TGM2: variants seen among roughly 807,000 people sequenced by gnomAD.
TGM2 encodes protein-glutamine gamma-glutamyltransferase 2.
In TGM2, 53 loss-of-function variants were observed where a neutral mutation model predicts 75.6. The observed-to-expected ratio is 0.70, with a 90% CI of 0.56 to 0.88. TGM2 has a LOEUF of 0.88. Among genes scored for constraint, TGM2 ranks in the 40% least tolerant of loss-of-function variants. The pLI, the probability that TGM2 is intolerant of heterozygous loss-of-function variation, is 0.00. For synonymous variants in TGM2, 374 were observed against 381.1 expected (o/e 0.98, Z 0.22); for missense variants, 842 against 928.5 (o/e 0.91, Z 1.21).
intron 8 of TGM2, 31 bp downstream of exon 8, chr20:38,141,251 C>T: frequency 2.0e-6 from 3 of 1,525,178 alleles, no homozygotes; most frequent in Non-Finnish European, 2.7e-6. Flanking sequence ...TCTTCCCCAT[C>T]TGTTTGACGC....
chr20:38,142,029 A>G (rs775440342), intron 7 of TGM2, 35 bp downstream of exon 7: 32 of 1,613,332 alleles, frequency 2.0e-5, no homozygotes, highest in Non-Finnish European at 2.3e-5. Flanking sequence ...GGCCCTCCCT[A>G]CTGGGCTCCG....
At chr20:38,139,760 CGCG>C (rs2074948393) in intron 8 of TGM2, 106 bp from the exon 9 acceptor site, 1 of 1,465,262 alleles carries the variant, frequency 6.8e-7, no homozygotes, top group Non-Finnish European at 9.3e-7. Flanking sequence ...CTCAAGACCA[CGCG>C]GCCCTCTGAC....
At position 38,136,418 on chromosome 20, in the gene TGM2, G is replaced by GC. The variant is rs565273441; in HGVS notation, c.1615+1694dup. Among the ~76,000 whole-genome samples, 66 of 152,276 alleles carry GC rather than the reference G, an allele frequency of 4.3e-4. 2 individuals are homozygous for GC. The highest frequency in any genetic ancestry group is 8.1e-4 in the Non-Finnish European group (55 of 68,008). On this transcript the variant is annotated intron_variant, in intron 10 of 12. Coordinates refer to ENST00000361475, the MANE Select transcript of TGM2 (RefSeq NM_004613.4). The stretch of plus-strand genomic sequence containing the variant: ...AACAAACTCTGTAAACACAAACCAT[G>GC]CCCCACCCGAGGGCTCTCCAGCATC...
chr20:38,127,838 A>T lies in TGM2; in HGVS notation c.*2381T>A, dbSNP rs1190125069. 1.3e-5 allele frequency: 2 copies of T among 152,166 alleles called. No homozygotes were observed. Among genetic ancestry groups the T allele is most frequent in the Non-Finnish European group, 2.9e-5 (2 of 68,032 alleles). 9.4% of individuals were successfully genotyped at this position (152,166 alleles called of 1,614,324 possible). A position where few individuals can be genotyped will look rare whatever the true frequency, so the allele number is the denominator to read the frequency against. ...TGGTCACTAGAAAATTCTAAATTAC[A>T]TATGTGGCTTGCATTTGTGGCTCAT... On this transcript the variant is annotated 3_prime_UTR_variant, in exon 13 of 13. Coordinates refer to ENST00000361475, the MANE Select transcript of TGM2 (RefSeq NM_004613.4).
chr20:38,137,956 G>T (rs993497239), intron 10 of TGM2, 157 bp downstream of exon 10: 3 of 1,432,946 alleles, frequency 2.1e-6, no homozygotes, highest in Non-Finnish European at 2.8e-6. Flanking sequence ...GAATTAAGTG[G>T]GTTGATATTT....
intron 7 of TGM2, 146 bp downstream of exon 7, chr20:38,141,918 C>T (rs1447752452): frequency 2.1e-6 from 2 of 957,894 alleles, no homozygotes; most frequent in Non-Finnish European, 3.2e-6. Context: ...TTGACTTTCC[C>T]TCTAGGCCTT....
In TGM2 at chr20:38,138,193, C is replaced by G; in HGVS notation, c.1535G>C (p.Arg512Pro). ...EYVCRLLLCA[R>P]TVSYNGILGP... ...CAAGATCCCATTGTAGCTGACGGTG[C>G]GGGCACAGAGCAGGAGGCGGCAGAC... Residue 512 changes from arginine to proline, a missense_variant, in exon 10 of 13, where the codon CGC becomes CCC. Transcript: ENST00000361475. 1 of 1,608,530 alleles carries G rather than the reference C, an allele frequency of 6.2e-7. No homozygotes were observed. Among genetic ancestry groups the G allele is most frequent in the Non-Finnish European group, 8.5e-7 (1 of 1,177,514 alleles).
intron 7 of TGM2, among the ~76,000 whole-genome samples, chr20:38,141,685 C>T (rs892686931): frequency 1.2e-4 from 18 of 152,062 alleles, no homozygotes; most frequent in South Asian, 6.2e-4. Context: ...CTTTTCTGTC[C>T]GTTCAGGGCT....
chr20:38,129,172 G>T lies in TGM2; in HGVS notation c.*1047C>A, dbSNP rs1161538626. 1 of 152,370 alleles carries T rather than the reference G, an allele frequency of 6.6e-6. No individual in the cohort carries two copies. The highest frequency in any genetic ancestry group is 1.9e-4 in the East Asian group (1 of 5,196). The allele number at this position is 152,370 out of a possible 1,614,324, so 9.4% of individuals were successfully genotyped here. On this transcript the variant is annotated 3_prime_UTR_variant, in exon 13 of 13. Transcript: ENST00000361475. The stretch of plus-strand genomic sequence containing the variant: ...CAAGGCTGGGCCATATAAAAGCATT[G>T]CAAACATGGAGTGGAGAGGATCCTT...
Position 38,161,306 on chromosome 20 carries a change from A to G in TGM2, c.190+114T>C, listed in dbSNP as rs949973547. The G allele has an allele frequency of 2.2e-6, 3 of 1,391,460 alleles. No individual in the cohort carries two copies. In the African/African-American group the frequency reaches 4.3e-5, roughly 20 times the overall value. 86.2% of individuals were successfully genotyped at this position (1,391,460 alleles called of 1,614,324 possible). On this transcript the variant is annotated intron_variant, in intron 2 of 12. Transcript: ENST00000361475. ...ATGACAGGTGGCAATCTCCCAGGGAACAAAGAAGGTAAAGTTATTTGTCCT... is the reference window on the plus strand; with the variant it reads ...ATGACAGGTGGCAATCTCCCAGGGAGCAAAGAAGGTAAAGTTATTTGTCCT...
At chr20:38,150,056 C>A (rs916116395) in intron 4 of TGM2, among the ~76,000 whole-genome samples, 1 of 152,204 alleles carries the variant, frequency 6.6e-6, no homozygotes, top group Non-Finnish European at 1.5e-5. Context: ...AGGCCAATAC[C>A]TCCTAACACA....
intron 9 of TGM2, among the ~76,000 whole-genome samples, chr20:38,138,595 T>C (rs1157206571): frequency 2.6e-5 from 4 of 152,046 alleles, no homozygotes. Context: ...CAACCCCAAA[T>C]GACCCCTCCT....
chr20:38,134,642 C>T (rs1205903260), intron 10 of TGM2, among the ~76,000 whole-genome samples: 1 of 152,134 alleles, frequency 6.6e-6, no homozygotes, highest in East Asian at 1.9e-4. Context: ...ACTCTGGGGA[C>T]AGTCACCGAG....
intron 6 of TGM2, 95 bp from the exon 7 acceptor site, chr20:38,142,294 A>T: frequency 6.3e-7 from 1 of 1,574,818 alleles, no homozygotes; most frequent in Non-Finnish European, 8.7e-7. Flanking sequence ...GGAACACTGT[A>T]CCTGCTGTCC....
At position 38,142,244 on chromosome 20, in the gene TGM2, C is replaced by T. The variant is rs200954087; in HGVS notation, c.860-45G>A. On this transcript the variant is annotated intron_variant, in intron 6 of 12. Coordinates refer to ENST00000361475, the MANE Select transcript of TGM2 (RefSeq NM_004613.4). ...AGCGGGGTGAGGTCCTGGAGACATC[C>T]GCCCTGCTCTGGGCCTCCACCTGCC... 224 of 1,610,674 alleles carry T rather than the reference C, an allele frequency of 1.4e-4. No homozygotes were observed. The African/African-American group carries it at 1.5e-3, about 11-fold the overall frequency.
At chr20:38,147,589 A>G (rs2075060975) in intron 5 of TGM2, among the ~76,000 whole-genome samples, 2 of 151,660 alleles carry the variant, frequency 1.3e-5, no homozygotes, top group Non-Finnish European at 1.5e-5. Context: ...AACCATGTGA[A>G]CTGCCTGCTC....
At chr20:38,152,835 C>T (rs926678072) in intron 3 of TGM2, among the ~76,000 whole-genome samples, 1 of 152,234 alleles carries the variant, frequency 6.6e-6, no homozygotes. Context: ...CTTGGCTGAC[C>T]GCCACTCCAA....
At chr20:38,152,795 G>A (rs572071187) in intron 3 of TGM2, among the ~76,000 whole-genome samples, 6 of 152,322 alleles carry the variant, frequency 3.9e-5, no homozygotes, top group South Asian at 4.1e-4. Context: ...TTCCCGCCCC[G>A]GGATGTGGGT....
intron 3 of TGM2, among the ~76,000 whole-genome samples, chr20:38,154,609 A>C (rs1166972524): frequency 6.6e-6 from 1 of 151,884 alleles, no homozygotes; most frequent in Non-Finnish European, 1.5e-5. Flanking sequence ...CCACTTCACC[A>C]CTCTGAGCCT....
Sources: allele counts gnomAD v4.1 joint callset (sites outside exome capture counted in the v4.1 genomes callset), GRCh38; gene constraint gnomAD v4.1.1; transcripts MANE v1.5; gene names NCBI Gene and HGNC (gene_info 2026-07-23, HGNC 2026-07-21).